Variants in SPAG16 observed in about 807,000 individuals in gnomAD.
The protein encoded by SPAG16 is sperm-associated antigen 16 protein.
Under a neutral mutation model 80.4 loss-of-function variants are expected in SPAG16, and 86 were observed. The observed-to-expected ratio is 1.07, with a 90% CI of 0.90 to 1.28. The LOEUF is 1.28. SPAG16 is among the 50% of genes most tolerant of loss of function. The pLI is 0.00. For missense variants in SPAG16, 870 were observed against 765.3 expected (o/e 1.14, Z -1.61); for synonymous variants, 294 against 265.9 (o/e 1.11, Z -1.03).
At position 213,488,433 on chromosome 2, in the gene SPAG16, A is replaced by G. The variant is rs188793535; in HGVS notation, c.943-1530A>G. ...TTCTAGTACTATGCTTTAAGGAAAT[A>G]CTTAGTGAAGTGCAGATTTATAGAC... On this transcript the variant is annotated intron_variant, in intron 9 of 15. Transcript: ENST00000331683. Among the ~76,000 whole-genome samples, 4 of 152,294 alleles carry G rather than the reference A, an allele frequency of 2.6e-5. 1 individual carries two copies. Among genetic ancestry groups the G allele is most frequent in the African/African-American group, 9.6e-5 (4 of 41,524 alleles).
intron 14 of SPAG16, among the ~76,000 whole-genome samples, chr2:214,116,180 C>T (rs1284626337): frequency 6.6e-6 from 1 of 152,210 alleles, no homozygotes; most frequent in Non-Finnish European, 1.5e-5. Flanking sequence ...CCAAGAGGAA[C>T]CACACAGACT....
At chr2:213,518,925 A>G (rs1351136926) in intron 10 of SPAG16, among the ~76,000 whole-genome samples, 1 of 152,222 alleles carries the variant, frequency 6.6e-6, no homozygotes, top group East Asian at 1.9e-4. Flanking sequence ...TTGTGGCAAC[A>G]TGGTTGGAGC....
At chr2:214,176,999 G>C (rs1240403430) in intron 15 of SPAG16, among the ~76,000 whole-genome samples, 1 of 150,472 alleles carries the variant, frequency 6.6e-6, no homozygotes, top group Non-Finnish European at 1.5e-5. Context: ...GTTATAATTG[G>C]GGAAAAACCC....
At chr2:213,785,976 C>T (rs1313906611) in intron 10 of SPAG16, among the ~76,000 whole-genome samples, 2 of 151,578 alleles carry the variant, frequency 1.3e-5, no homozygotes, top group African/African-American at 4.9e-5. Flanking sequence ...CATTGCACTC[C>T]AGCCTCGGCG....
intron 9 of SPAG16, among the ~76,000 whole-genome samples, chr2:213,375,420 A>G (rs1406473853): frequency 1.3e-5 from 2 of 151,952 alleles, no homozygotes; most frequent in African/African-American, 4.8e-5. Context: ...CCTCTGTCTA[A>G]AAGAAATCAC....
intron 15 of SPAG16, among the ~76,000 whole-genome samples, chr2:214,398,961 A>G (rs1701554439): frequency 6.6e-6 from 1 of 152,234 alleles, no homozygotes; most frequent in Non-Finnish European, 1.5e-5. Flanking sequence ...TAAGGATTCC[A>G]TAATAAACAG....
chr2:213,705,271 A>AGAGG (rs1338531796), intron 10 of SPAG16, among the ~76,000 whole-genome samples: 3 of 149,326 alleles, frequency 2.0e-5, no homozygotes, highest in Non-Finnish European at 4.4e-5. Flanking sequence ...AAAGAGAGAG[A>AGAGG]GAGGGAGGGA....
intron 5 of SPAG16, among the ~76,000 whole-genome samples, chr2:213,333,041 G>C (rs1283718298): frequency 6.6e-6 from 1 of 151,928 alleles, no homozygotes; most frequent in Non-Finnish European, 1.5e-5. Context: ...GGAAATAAAT[G>C]GCATATAATT....
chr2:214,167,099 C>T (rs1305456647), intron 15 of SPAG16, among the ~76,000 whole-genome samples: 1 of 152,134 alleles, frequency 6.6e-6, no homozygotes, highest in South Asian at 2.1e-4. Flanking sequence ...AGCTTAACTC[C>T]TTGGACTTCA....
intron 15 of SPAG16, among the ~76,000 whole-genome samples, chr2:214,187,557 A>T (rs1428482926): frequency 1.3e-5 from 2 of 152,272 alleles, no homozygotes; most frequent in South Asian, 4.1e-4. Context: ...TTACTGGCCC[A>T]TATGAACAAT....
chr2:213,699,757 C>T (rs2065324445), intron 10 of SPAG16, among the ~76,000 whole-genome samples: 1 of 152,156 alleles, frequency 6.6e-6, no homozygotes, highest in Non-Finnish European at 1.5e-5. Context: ...AAATCTGGGC[C>T]ACTGTGTCCT....
chr2:213,499,584 T>C (rs1290867754), intron 10 of SPAG16, among the ~76,000 whole-genome samples: 1 of 152,220 alleles, frequency 6.6e-6, no homozygotes, highest in East Asian at 1.9e-4. Context: ...TGTCACCCTC[T>C]CTTTTAAAAT....
chr2:213,611,690 T>A (rs1232774995), intron 10 of SPAG16, among the ~76,000 whole-genome samples: 10 of 152,190 alleles, frequency 6.6e-5, no homozygotes. Flanking sequence ...AGGAAACATA[T>A]TTTTATCCAC....
intron 13 of SPAG16, among the ~76,000 whole-genome samples, chr2:214,079,476 T>G (rs2051253784): frequency 6.6e-6 from 1 of 152,368 alleles, no homozygotes; most frequent in South Asian, 2.1e-4. Context: ...TTTTCTTATT[T>G]ATAGCAATTC....
At chr2:214,408,695 A>C (rs1702130813) in intron 15 of SPAG16, among the ~76,000 whole-genome samples, 1 of 152,178 alleles carries the variant, frequency 6.6e-6, no homozygotes, top group African/African-American at 2.4e-5. Flanking sequence ...TATTTTCACA[A>C]TATATCACTT....
At chr2:213,956,876 T>G (rs904856582) in intron 12 of SPAG16, among the ~76,000 whole-genome samples, 3 of 152,334 alleles carry the variant, frequency 2.0e-5, no homozygotes, top group Admixed American at 6.5e-5. Context: ...TAAATTTTCC[T>G]TGTAATTTCT....
chr2:214,020,810 A>G (rs561934887), intron 13 of SPAG16, among the ~76,000 whole-genome samples: 1 of 152,316 alleles, frequency 6.6e-6, no homozygotes. Flanking sequence ...AAGTTTTCAA[A>G]CATTTTAATA....
chr2:213,510,078 A>C (rs1444859593), intron 10 of SPAG16, among the ~76,000 whole-genome samples: 4 of 152,202 alleles, frequency 2.6e-5, no homozygotes, highest in African/African-American at 9.7e-5. Flanking sequence ...AGAAATGGAT[A>C]AATTCCTTGA....
intron 11 of SPAG16, among the ~76,000 whole-genome samples, chr2:213,896,295 G>A (rs2076987248): frequency 6.6e-6 from 1 of 151,928 alleles, no homozygotes; most frequent in African/African-American, 2.4e-5. Flanking sequence ...TTATAAAAAA[G>A]ACAGATGCTG....
Sources: gnomAD v4.1 joint callset for allele counts (sites outside exome capture counted in the v4.1 genomes callset) on GRCh38, gnomAD v4.1.1 for gene constraint, MANE v1.5 for transcripts, NCBI Gene and HGNC (gene_info 2026-07-23, HGNC 2026-07-21) for gene names.